The following HCK variants were observed in gnomAD, a reference collection of about 807,000 sequenced individuals.
The protein encoded by HCK is HCK proto-oncogene, Src family tyrosine kinase, also known as tyrosine-protein kinase HCK.
Under a neutral mutation model 70.4 loss-of-function variants are expected in HCK, and 40 were observed. The ratio of observed to expected loss-of-function variants is 0.57; its 90% CI spans 0.44 to 0.74. The LOEUF is 0.74. Among genes scored for constraint, HCK ranks in the 30% least tolerant of loss-of-function variants. The pLI is 0.00. For synonymous variants in HCK, 245 were observed against 263.2 expected (o/e 0.93, Z 0.67); for missense variants, 568 against 697.2 (o/e 0.81, Z 2.09).
chr20:32,068,774 C>T (rs1346357328), intron 1 of HCK, among the ~76,000 whole-genome samples: 1 of 150,902 alleles, frequency 6.6e-6, no homozygotes, highest in Non-Finnish European at 1.5e-5. Context: ...CCTGTCTCTA[C>T]AGAATATAAA....
chr20:32,084,290 C>T, intron 7 of HCK, 101 bp from the exon 8 acceptor site: 1 of 1,331,008 alleles, frequency 7.5e-7, no homozygotes, highest in Non-Finnish European at 1.0e-6. Context: ...CCAGGTGGAA[C>T]ACTGGAGAGA....
chr20:32,089,702 G>T (rs970455115), intron 10 of HCK, among the ~76,000 whole-genome samples: 1 of 152,180 alleles, frequency 6.6e-6, no homozygotes, highest in African/African-American at 2.4e-5. Flanking sequence ...CCTCTCTCAT[G>T]CTCTCTCTGA....
At chr20:32,061,621 G>A (rs2045377992) in intron 1 of HCK, among the ~76,000 whole-genome samples, 1 of 152,194 alleles carries the variant, frequency 6.6e-6, no homozygotes. Flanking sequence ...GGGTGATGAG[G>A]GAAGGTTGCT....
chr20:32,096,354 G>A (rs2122630989), intron 11 of HCK, among the ~76,000 whole-genome samples: 1 of 151,998 alleles, frequency 6.6e-6, no homozygotes, highest in Admixed American at 6.5e-5. Context: ...AAAATTAGCT[G>A]GGCGTGGTGG....
At chr20:32,073,650 G>A (rs2045576716) in intron 3 of HCK, 66 bp from the exon 4 acceptor site, 12 of 1,101,838 alleles carry the variant, frequency 1.1e-5, no homozygotes, top group Non-Finnish European at 1.6e-5. Context: ...GGTGCCGGGT[G>A]AGGGTCACCA....
At chr20:32,085,645 C>G (rs1244607007) in intron 8 of HCK, among the ~76,000 whole-genome samples, 1 of 152,040 alleles carries the variant, frequency 6.6e-6, no homozygotes, top group Non-Finnish European at 1.5e-5. Flanking sequence ...TACAGGAAGC[C>G]CACGGTTCTG....
In HCK at chr20:32,066,331, T is replaced by TTTTTTTA. The variant is rs60044994; in HGVS notation, c.63-5331_63-5330insTTTTTTA. On this transcript the variant is annotated intron_variant, in intron 1 of 12. Transcript: ENST00000375852. ...TTTTTTTTTTTTTTTTTTTTTTTTT[T>TTTTTTTA]GACAGAGTCTTGCTCTGTTTCCCAG... Among the ~76,000 whole-genome samples the TTTTTTTA allele has an allele frequency of 1.1e-4, 9 of 81,876 alleles. 2 individuals are homozygous for TTTTTTTA. The highest frequency in any genetic ancestry group is 1.9e-4 in the Non-Finnish European group (8 of 42,826). The allele number at this position is 81,876 out of a possible 152,430, so 53.7% of individuals were successfully genotyped here. A position where few individuals can be genotyped will look rare whatever the true frequency, so the allele number is the denominator to read the frequency against.
chr20:32,091,919 A>G (rs2045868879), intron 10 of HCK, among the ~76,000 whole-genome samples: 2 of 151,902 alleles, frequency 1.3e-5, no homozygotes, highest in Non-Finnish European at 2.9e-5. Context: ...CAGGAGGCAC[A>G]GGTTGCAGTA....
chr20:32,074,786 A>C, intron 5 of HCK, 65 bp downstream of exon 5: 9 of 1,122,638 alleles, frequency 8.0e-6, no homozygotes, highest in South Asian at 1.2e-5. Context: ...TTTGCAACTC[A>C]GGACGTCTGC....
intron 1 of HCK, among the ~76,000 whole-genome samples, chr20:32,064,861 G>A (rs1025977809): frequency 1.3e-5 from 2 of 152,264 alleles, no homozygotes; most frequent in Non-Finnish European, 2.9e-5. Context: ...GTGAGGAGCA[G>A]GTTTCAGGTT....
chr20:32,058,067 G>A (rs1486937787), intron 1 of HCK, among the ~76,000 whole-genome samples: 3 of 152,136 alleles, frequency 2.0e-5, no homozygotes, highest in Non-Finnish European at 4.4e-5. Flanking sequence ...AGATGTAAGT[G>A]CAGCCAAGAG....
intron 5 of HCK, among the ~76,000 whole-genome samples, chr20:32,078,673 A>G (rs1363140490): frequency 6.6e-6 from 1 of 151,968 alleles, no homozygotes; most frequent in Non-Finnish European, 1.5e-5. Flanking sequence ...CCTGGCCAAC[A>G]TGGTAAAACC....
intron 1 of HCK, among the ~76,000 whole-genome samples, chr20:32,071,040 G>A (rs1390593668): frequency 3.9e-5 from 6 of 151,926 alleles, no homozygotes; most frequent in Admixed American, 2.6e-4. Context: ...CCAGTAATAC[G>A]GTGCCTTGAC....
chr20:32,069,638 G>A (rs1372704946), intron 1 of HCK: 5 of 451,120 alleles, frequency 1.1e-5, no homozygotes, highest in South Asian at 8.3e-5. Context: ...TCAAATTAAT[G>A]ATCCAGCACT....
chr20:32,082,948 G>A (rs939339287), intron 6 of HCK, among the ~76,000 whole-genome samples: 1 of 152,084 alleles, frequency 6.6e-6, no homozygotes. Context: ...CAAACTTAGT[G>A]GCTTAAAACA....
chr20:32,054,046 G>A (rs1245123494), intron 1 of HCK, among the ~76,000 whole-genome samples: 13 of 151,678 alleles, frequency 8.6e-5, no homozygotes, highest in Admixed American at 8.6e-4. Flanking sequence ...GAAAAGTGAA[G>A]ATAATAATAT....
intron 1 of HCK, among the ~76,000 whole-genome samples, chr20:32,059,864 G>A (rs1204141090): frequency 6.6e-6 from 1 of 152,110 alleles, no homozygotes; most frequent in Non-Finnish European, 1.5e-5. Flanking sequence ...GTTTTACTAG[G>A]TGGTAAAAGG....
At chr20:32,069,583 T>C (rs959414511) in intron 1 of HCK, 1 of 389,520 alleles carries the variant, frequency 2.6e-6, no homozygotes, top group Non-Finnish European at 5.1e-6. Context: ...CAGTTTTAAA[T>C]GCATGCAAGT....
At chr20:32,058,880 G>C (rs903661661) in intron 1 of HCK, among the ~76,000 whole-genome samples, 1 of 152,190 alleles carries the variant, frequency 6.6e-6, no homozygotes, top group Non-Finnish European at 1.5e-5. Flanking sequence ...GGGTAGAACA[G>C]GCTTGAGAGG....
Sources: allele counts gnomAD v4.1 joint callset (sites outside exome capture counted in the v4.1 genomes callset), GRCh38; gene constraint gnomAD v4.1.1; transcripts MANE v1.5; gene names NCBI Gene and HGNC (gene_info 2026-07-23, HGNC 2026-07-21).